The following QKI variants were observed in gnomAD, a reference collection of about 807,000 sequenced individuals.
QKI encodes QKI, KH domain containing RNA binding, also known as KH domain-containing RNA-binding protein QKI.
Under a neutral mutation model 39.0 loss-of-function variants are expected in QKI, and 10 were observed. The ratio of observed to expected loss-of-function variants is 0.26; its 90% confidence interval spans 0.16 to 0.43. QKI has a LOEUF of 0.43. QKI is among the 20% of genes least tolerant of loss of function. The pLI, the probability that QKI is intolerant of heterozygous loss-of-function variation, is 1.00. For synonymous variants in QKI, 204 were observed against 155.4 expected (o/e 1.31, Z -2.33); for missense variants, 218 against 428.0 (o/e 0.51, Z 4.33).
chr6:163,419,613 T>C (rs1310645300), intron 1 of QKI, among the ~76,000 whole-genome samples: 2 of 152,186 alleles, frequency 1.3e-5, no homozygotes, highest in Non-Finnish European at 2.9e-5. Flanking sequence ...TCAGCAGCTA[T>C]ATATTGGCAG....
chr6:163,482,180 G>C (rs1264453450), intron 3 of QKI, among the ~76,000 whole-genome samples: 1 of 152,016 alleles, frequency 6.6e-6, no homozygotes, highest in Non-Finnish European at 1.5e-5. Context: ...ACGAGACTCT[G>C]TCTCGGGGGA....
intron 3 of QKI, among the ~76,000 whole-genome samples, chr6:163,510,227 A>T (rs964695721): frequency 8.1e-5 from 3 of 36,838 alleles, no homozygotes; most frequent in African/African-American, 2.4e-4. Flanking sequence ...AAATAATAAT[A>T]ATAATAATAA....
At chr6:163,534,636 A>G (rs957365619) in intron 3 of QKI, among the ~76,000 whole-genome samples, 9 of 152,318 alleles carry the variant, frequency 5.9e-5, no homozygotes, top group South Asian at 4.1e-4. Flanking sequence ...TTTTCATGGT[A>G]ATGTAAGGAC....
chr6:163,432,597 C>G (rs891743233), intron 1 of QKI, among the ~76,000 whole-genome samples: 1 of 151,986 alleles, frequency 6.6e-6, no homozygotes, highest in Non-Finnish European at 1.5e-5. Context: ...GACAGGGTCT[C>G]ACGATATTGC....
chr6:163,512,359 A>G (rs1779535777), intron 3 of QKI, among the ~76,000 whole-genome samples: 1 of 152,038 alleles, frequency 6.6e-6, no homozygotes, highest in Admixed American at 6.5e-5. Flanking sequence ...AAAACAAAAT[A>G]AAAGGCATAC....
chr6:163,415,700 G>C (rs1371120259), intron 1 of QKI, among the ~76,000 whole-genome samples: 1 of 151,814 alleles, frequency 6.6e-6, no homozygotes, highest in South Asian at 2.1e-4. Context: ...GAGCCCTCCC[G>C]AGAGCAGGCC....
intron 1 of QKI, among the ~76,000 whole-genome samples, chr6:163,441,153 A>G (rs903711625): frequency 2.6e-5 from 4 of 152,162 alleles, no homozygotes; most frequent in Admixed American, 2.6e-4. Flanking sequence ...GACTAAGCAC[A>G]TATTTAGATG....
rs545047021 is a variant in QKI at position 163,540,126 on chromosome 6, AGAGT to A, written c.546+5002_546+5005del. On this transcript the variant is annotated intron_variant, in intron 4 of 7. Transcript: ENST00000361752. ...ATAAGTTCTTTTTTTTTGGAAAGAT[AGAGT>A]AAGTTCTTTTTTAGAAAGACAAAGA... Among the ~76,000 whole-genome samples, 7 of 151,744 alleles carry A rather than the reference AGAGT, an allele frequency of 4.6e-5. No homozygotes were observed. In the South Asian group the frequency reaches 6.2e-4, roughly 13 times the overall value.
At chr6:163,536,502 AC>A (rs1781221160) in intron 4 of QKI, among the ~76,000 whole-genome samples, 1 of 152,208 alleles carries the variant, frequency 6.6e-6, no homozygotes, top group Non-Finnish European at 1.5e-5. Context: ...GTTGAAAGTT[AC>A]ACAAGGATCT....
intron 4 of QKI, among the ~76,000 whole-genome samples, chr6:163,555,900 G>A (rs1009770945): frequency 2.0e-5 from 3 of 152,202 alleles, no homozygotes; most frequent in African/African-American, 7.2e-5. Context: ...CTAACATGTG[G>A]TCTGATGAAT....
At chr6:163,556,539 A>C (rs1184906873) in intron 4 of QKI, among the ~76,000 whole-genome samples, 1 of 151,404 alleles carries the variant, frequency 6.6e-6, no homozygotes, top group Non-Finnish European at 1.5e-5. Context: ...AAACAACAGA[A>C]AAGGCATAGT....
intron 3 of QKI, among the ~76,000 whole-genome samples, chr6:163,517,087 C>T (rs1290885199): frequency 2.3e-4 from 34 of 147,078 alleles, no homozygotes; most frequent in African/African-American, 9.0e-4. Flanking sequence ...CTCTTTCTCT[C>T]TCTCTCTCTC....
At chr6:163,508,866 C>T (rs555910017) in intron 3 of QKI, among the ~76,000 whole-genome samples, 8 of 151,760 alleles carry the variant, frequency 5.3e-5, no homozygotes, top group South Asian at 4.2e-4. Flanking sequence ...TGGCCGGGCA[C>T]GGTGGCTCAC....
intron 1 of QKI, among the ~76,000 whole-genome samples, chr6:163,432,684 T>A (rs1788935503): frequency 6.6e-6 from 1 of 151,836 alleles, no homozygotes; most frequent in Non-Finnish European, 1.5e-5. Context: ...AATGTTTTGT[T>A]AAGAGTAGTC....
chr6:163,555,830 A>T (rs1468970138), intron 4 of QKI, among the ~76,000 whole-genome samples: 1 of 151,886 alleles, frequency 6.6e-6, no homozygotes, highest in Non-Finnish European at 1.5e-5. Flanking sequence ...ACTTTGTTGT[A>T]GTTTTTTTTT....
intron 3 of QKI, among the ~76,000 whole-genome samples, chr6:163,480,843 C>G (rs117359823): frequency 0.039 from 5,977 of 152,214 alleles, 160 homozygotes; most frequent in Non-Finnish European, 0.059. Context: ...ATATATAAAT[C>G]TGTATGAAAA....
chr6:163,563,348 C>T (rs1245709136), intron 5 of QKI, 72 bp from the exon 6 acceptor site: 1 of 1,324,984 alleles, frequency 7.5e-7, no homozygotes, highest in African/African-American at 1.5e-5. Context: ...CTTTTTCCTA[C>T]TCCCTTCTCA....
chr6:163,478,069 A>T (rs1792765556), intron 2 of QKI, among the ~76,000 whole-genome samples: 2 of 152,132 alleles, frequency 1.3e-5, no homozygotes, highest in South Asian at 4.1e-4. Flanking sequence ...CGTTTTTCCT[A>T]TTGGCTTTAA....
chr6:163,466,469 AT>A (rs1267572777), intron 2 of QKI, among the ~76,000 whole-genome samples: 1 of 152,206 alleles, frequency 6.6e-6, no homozygotes, highest in African/African-American at 2.4e-5. Context: ...AGCTGAAGAC[AT>A]TGCAGTTCCT....
Sources: allele counts gnomAD v4.1 joint callset (sites outside exome capture counted in the v4.1 genomes callset), GRCh38; gene constraint gnomAD v4.1.1; transcripts MANE v1.5; gene names NCBI Gene and HGNC (gene_info 2026-07-23, HGNC 2026-07-21).